TRIM2: variants seen among roughly 807,000 people sequenced by gnomAD.
TRIM2 encodes the protein tripartite motif-containing protein 2.
In TRIM2, 20 loss-of-function variants were observed where a neutral mutation model predicts 75.2. That is an observed-to-expected ratio of 0.27 (90% confidence interval 0.19 to 0.39). The LOEUF (loss-of-function observed/expected upper bound fraction) is 0.39. TRIM2 is among the 10% of genes least tolerant of loss of function. The pLI, the probability that TRIM2 is intolerant of heterozygous loss-of-function variation, is 1.00. For synonymous variants in TRIM2, 373 were observed against 388.3 expected (o/e 0.96, Z 0.46); for missense variants, 660 against 990.8 (o/e 0.67, Z 4.48).
intron 1 of TRIM2, among the ~76,000 whole-genome samples, chr4:153,189,778 G>A (rs1323807398): frequency 6.6e-6 from 1 of 152,172 alleles, no homozygotes; most frequent in East Asian, 1.9e-4. Context: ...AGTAACAATA[G>A]CATATGCAAA....
chr4:153,261,441 G>A (rs553174304), intron 1 of TRIM2, among the ~76,000 whole-genome samples: 2 of 152,058 alleles, frequency 1.3e-5, no homozygotes, highest in Admixed American at 1.3e-4. Flanking sequence ...AAAAAAAAAG[G>A]CATCTTAATA....
chr4:153,336,630 A>G lies in TRIM2; in HGVS notation c.*1664A>G, dbSNP rs1772485979. On this transcript the variant is annotated 3_prime_UTR_variant, in exon 12 of 12. Coordinates refer to ENST00000338700, the MANE Select transcript of TRIM2 (RefSeq NM_015271.5). ...ACTGAAAGCACCTTAGAACTGTACT[A>G]TAAGAAAACATTTCCCCTATGTATA... is the stretch of plus-strand genomic sequence containing the variant. 1 of 985,686 alleles carries G rather than the reference A, an allele frequency of 1.0e-6. No homozygotes were observed. Among genetic ancestry groups the G allele is most frequent in the Non-Finnish European group, 1.2e-6 (1 of 829,924 alleles). The allele number at this position is 985,686 out of a possible 1,614,324, so 61.1% of individuals were successfully genotyped here.
At chr4:153,290,058 A>G (rs1351157443) in intron 3 of TRIM2, among the ~76,000 whole-genome samples, 2 of 152,230 alleles carry the variant, frequency 1.3e-5, no homozygotes, top group Non-Finnish European at 2.9e-5. Context: ...TAATCTAGAA[A>G]TAAAATGTCT....
intron 6 of TRIM2, among the ~76,000 whole-genome samples, chr4:153,297,201 TG>T (rs1321710830): frequency 9.9e-5 from 15 of 152,090 alleles, no homozygotes; most frequent in Non-Finnish European, 2.2e-4. Flanking sequence ...GCAAAGACGG[TG>T]ATATGATATG....
intron 1 of TRIM2, among the ~76,000 whole-genome samples, chr4:153,231,395 G>T (rs1372322143): frequency 6.6e-6 from 1 of 152,118 alleles, no homozygotes; most frequent in Non-Finnish European, 1.5e-5. Flanking sequence ...GAGGAAGAGG[G>T]ACTAAAGTTA....
At chr4:153,202,259 TACTATATC>T (rs1734441918), upstream of TRIM2, among the ~76,000 whole-genome samples, 1 of 152,276 alleles carries the variant, frequency 6.6e-6, no homozygotes, top group African/African-American at 2.4e-5. Flanking sequence ...TTTTGATAAC[TACTATATC>T]ACTTTATAAA....
chr4:153,256,227 T>C (rs1219052743), intron 1 of TRIM2, among the ~76,000 whole-genome samples: 1 of 150,328 alleles, frequency 6.7e-6, no homozygotes, highest in Non-Finnish European at 1.5e-5. Flanking sequence ...AAAGTTGGCA[T>C]GTATGTGCAT....
At chr4:153,315,136 T>C (rs1357488874) in intron 6 of TRIM2, among the ~76,000 whole-genome samples, 1 of 152,178 alleles carries the variant, frequency 6.6e-6, no homozygotes, top group Non-Finnish European at 1.5e-5. Context: ...AGCAGTGCCA[T>C]AGGGTAAAGT....
intron 1 of TRIM2, among the ~76,000 whole-genome samples, chr4:153,244,071 C>T (rs920414892): frequency 6.6e-6 from 1 of 152,090 alleles, no homozygotes; most frequent in African/African-American, 2.4e-5. Context: ...ACTCTTGCCT[C>T]AGCCTCCCAA....
intron 1 of TRIM2, among the ~76,000 whole-genome samples, chr4:153,176,170 A>G (rs1731414564): frequency 6.6e-6 from 1 of 152,098 alleles, no homozygotes; most frequent in African/African-American, 2.4e-5. Flanking sequence ...ATGATAAAGC[A>G]TGGCTAGGCA....
Position 153,295,822 on chromosome 4 carries a change from G to T in TRIM2, c.1296G>T (p.Leu432=), listed in dbSNP as rs1019168141. The T allele has an allele frequency of 2.3e-5, 37 of 1,613,990 alleles. No individual in the cohort carries two copies. In the Middle Eastern group the frequency reaches 6.6e-4, roughly 29 times the overall value. The change falls in exon 6 of 12, where the codon CTG becomes CTT. Residue 432 remains leucine (L), a synonymous_variant. Transcript: ENST00000338700. The surrounding 1 kb of genome is among the most constrained non-coding windows in gnomAD (Gnocchi z 7.2). The part of the protein sequence containing the change: ...VQKEGDFTLS[L]RLYDQHIRGS... The stretch of plus-strand genomic sequence containing the variant: ...AGGAAGGGGACTTTACCCTGTCTCT[G>T]AGACTCTATGACCAGCACATCCGAG...
In TRIM2 at chr4:153,247,677, C is replaced by CA. The variant is rs1183914263; in HGVS notation, c.31-22634dup. ...TGGGAAACAGAGTGAGACTCTGTCT[C>CA]AAAAAAAAAAAAAAAAAAAAAAAAC... On this transcript the variant is annotated intron_variant, in intron 1 of 11. Transcript: ENST00000338700. Among the ~76,000 whole-genome samples the CA allele has an allele frequency of 9.8e-3, 776 of 79,012 alleles. 31 individuals carry two copies. Among genetic ancestry groups the CA allele is most frequent in the East Asian group, 0.03 (54 of 1,828 alleles). 51.8% of individuals were successfully genotyped at this position (79,012 alleles called of 152,430 possible).
At chr4:153,154,730 A>G (rs1159868760) in intron 1 of TRIM2, among the ~76,000 whole-genome samples, 3 of 152,210 alleles carry the variant, frequency 2.0e-5, no homozygotes, top group Non-Finnish European at 4.4e-5. Context: ...TTGTACACAC[A>G]TGGTGTCCAT....
chr4:153,194,102 G>A (rs1299126045), intron 1 of TRIM2, among the ~76,000 whole-genome samples: 3 of 152,128 alleles, frequency 2.0e-5, no homozygotes, highest in Admixed American at 2.0e-4. Context: ...GCAAAACAAG[G>A]GTTGGGGAAG....
At chr4:153,171,899 G>C (rs1730909718) in intron 1 of TRIM2, among the ~76,000 whole-genome samples, 1 of 124,586 alleles carries the variant, frequency 8.0e-6, no homozygotes, top group South Asian at 2.5e-4. Context: ...TGATTCACAT[G>C]TCACTATGGA....
Position 153,335,699 on chromosome 4 carries a change from G to T in TRIM2, c.*733G>T. On this transcript the variant is annotated 3_prime_UTR_variant, in exon 12 of 12. Coordinates refer to ENST00000338700, the MANE Select transcript of TRIM2 (RefSeq NM_015271.5). ...CCTGAAATTTCTAATGCCTTGAAAAGCATATTACAAAAGTAATGCTACCTT... is the reference window on the plus strand; with the variant it reads ...CCTGAAATTTCTAATGCCTTGAAAATCATATTACAAAAGTAATGCTACCTT... 2 of 985,518 alleles carry T rather than the reference G, an allele frequency of 2.0e-6. No individual in the cohort carries two copies. The highest frequency in any genetic ancestry group is 2.4e-6 in the Non-Finnish European group (2 of 829,916). 61.0% of individuals were successfully genotyped at this position (985,518 alleles called of 1,614,324 possible).
At chr4:153,253,637 C>T (rs1396354856) in intron 1 of TRIM2, among the ~76,000 whole-genome samples, 1 of 152,134 alleles carries the variant, frequency 6.6e-6, no homozygotes, top group African/African-American at 2.4e-5. Context: ...TGAGATAGGA[C>T]GTCGGCACAA....
chr4:153,248,181 AG>A lies in TRIM2; in HGVS notation c.31-22153del, dbSNP rs1749838765. Among the ~76,000 whole-genome samples the A allele has an allele frequency of 6.6e-6, 1 of 152,070 alleles. No individual in the cohort carries two copies. The highest frequency in any genetic ancestry group is 2.4e-5 in the African/African-American group (1 of 41,396). Reference sequence around the variant, plus strand: ...CGGCTAATTTTTATACTTTTAATAGAGACAGGGTTTCACCATGTTGGCCAGG... The same window carrying A: ...CGGCTAATTTTTATACTTTTAATAGAACAGGGTTTCACCATGTTGGCCAGG... On this transcript the variant is annotated intron_variant, in intron 1 of 11. Coordinates refer to ENST00000338700, the MANE Select transcript of TRIM2 (RefSeq NM_015271.5). The surrounding 1 kb of genome is among the most constrained non-coding windows in gnomAD (Gnocchi z 4.0).
chr4:153,180,433 T>C lies in TRIM2; in HGVS notation c.-49+27163T>C, dbSNP rs533444090. ...GAACCCCCTGGTCCTGAGGCTTAGC[T>C]GTCAGGGCACACAGCCTGTGAAAGG... On this transcript the variant is annotated intron_variant, in intron 1 of 11. Transcript: ENST00000437508. 3.9e-5 allele frequency among the ~76,000 whole-genome samples: 6 copies of C among 152,376 alleles called. No homozygotes were observed. The South Asian group carries it at 1.0e-3, about 26-fold the overall frequency.
Sources: gnomAD v4.1 joint callset for allele counts (sites outside exome capture counted in the v4.1 genomes callset) on GRCh38, gnomAD v4.1.1 for gene constraint, Gnocchi (gnomAD v3.1) non-coding constraint, MANE v1.5 for transcripts, NCBI Gene and HGNC (gene_info 2026-07-23, HGNC 2026-07-21) for gene names.